TRPC3: variants seen among roughly 807,000 people sequenced by gnomAD.
TRPC3 encodes short transient receptor potential channel 3.
A neutral mutation model predicts 90.9 loss-of-function variants in TRPC3; 54 were observed. The ratio of observed to expected loss-of-function variants is 0.59; its 90% CI spans 0.48 to 0.75. The LOEUF (loss-of-function observed/expected upper bound fraction) is 0.75, where lower values mean the gene tolerates loss of function less well. Ranked by LOEUF, TRPC3 falls within the 30% of genes least tolerant of loss-of-function variation. TRPC3 has a pLI of 0.00. For synonymous variants in TRPC3, 424 were observed against 450.9 expected (o/e 0.94, Z 0.75); for missense variants, 918 against 1,194.5 (o/e 0.77, Z 3.41).
chr4:121,911,971 G>A lies in TRPC3; in HGVS notation c.1464C>T (p.Pro488=), dbSNP rs776868207. The A allele has an allele frequency of 5.6e-6, 9 of 1,613,904 alleles. 1 individual carries two copies. The South Asian group carries it at 9.9e-5, about 18-fold the overall frequency. Reference sequence around the variant, plus strand: ...TGGGATAGTCAGTAACTGTGATATTGGGCAGCGTGGTGATGCCTTCGAACC... The same window carrying A: ...TGGGATAGTCAGTAACTGTGATATTAGGCAGCGTGGTGATGCCTTCGAACC... ...SDRFEGITTL[P]NITVTDYPKQ... The change falls in exon 5 of 12, where the codon CCC becomes CCT. Residue 488 remains proline (P), a synonymous_variant. Transcript: ENST00000379645.
intron 4 of TRPC3, among the ~76,000 whole-genome samples, chr4:121,913,930 G>C (rs1729202746): frequency 6.6e-6 from 1 of 152,186 alleles, no homozygotes; most frequent in Non-Finnish European, 1.5e-5. Flanking sequence ...AGGATCACTT[G>C]TAAGTGCCCT....
At position 121,903,035 on chromosome 4, in the gene TRPC3, A is replaced by G; in HGVS notation, c.2280T>C (p.Phe760=). ...AGGATAACCAAAGTTTTGAACGAGC[A>G]AACTTCCATTCTACATCACTGTCAT... ...IEDDSDVEWK[F]ARSKLWLSYF... is the part of the protein sequence containing the mutation. The change falls in exon 9 of 12, where the codon TTT becomes TTC. Residue 760 remains phenylalanine, a synonymous_variant. Transcript: ENST00000379645. 1.2e-6 allele frequency: 2 copies of G among 1,613,198 alleles called. No homozygotes were observed. The highest frequency in any genetic ancestry group is 1.7e-6 in the Non-Finnish European group (2 of 1,179,650).
intron 2 of TRPC3, among the ~76,000 whole-genome samples, chr4:121,931,698 T>G (rs989663705): frequency 6.6e-6 from 1 of 152,204 alleles, no homozygotes; most frequent in Non-Finnish European, 1.5e-5. Context: ...GTGACTTTAA[T>G]AGTATTTTTT....
At chr4:121,879,918 T>C (rs1003057954) in intron 11 of TRPC3, 40 bp from the exon 12 acceptor site, 12 of 1,500,270 alleles carry the variant, frequency 8.0e-6, no homozygotes, top group Non-Finnish European at 1.1e-5. Context: ...TAAGTTGCTC[T>C]TTGGATTTAG....
At chr4:121,918,995 G>A (rs1329189016) in intron 3 of TRPC3, among the ~76,000 whole-genome samples, 2 of 152,192 alleles carry the variant, frequency 1.3e-5, no homozygotes, top group African/African-American at 2.4e-5. Flanking sequence ...ACATTTGTAT[G>A]CTGTTTCCTA....
rs774867179 is a variant in TRPC3, at chr4:121,912,079, C to A, written c.1356G>T (p.Leu452=). 3.7e-6 allele frequency: 6 copies of A among 1,613,218 alleles called. No homozygotes were observed. The East Asian group carries it at 8.9e-5, about 24-fold the overall frequency. ...IAPCSRLGKI[L]RSPFMKFVAH... The stretch of plus-strand genomic sequence containing the variant: ...CTACAAACTTCATAAAAGGGCTTCG[C>A]AGAATTTTCCCCAGCTGTAACAAAC... The change falls in exon 5 of 12, where the codon CTG becomes CTT. Residue 452 remains leucine (L), a synonymous_variant. Coordinates refer to ENST00000379645, the MANE Select transcript of TRPC3 (RefSeq NM_001130698.2).
chr4:121,897,659 G>T (rs1023211231), intron 10 of TRPC3, among the ~76,000 whole-genome samples: 1 of 147,030 alleles, frequency 6.8e-6, no homozygotes, highest in Non-Finnish European at 1.5e-5. Flanking sequence ...AAAAAAAAAT[G>T]CTGGTAAGAA....
intron 2 of TRPC3, 23 bp from the exon 3 acceptor site, chr4:121,925,229 T>G (rs773967014): frequency 6.3e-7 from 1 of 1,586,068 alleles, no homozygotes; most frequent in East Asian, 2.3e-5. Context: ...GGTTTAGTGT[T>G]TTAACACAAA....
chr4:121,932,396 T>G lies in TRPC3; in HGVS notation c.862A>C (p.Ile288Leu). Residue 288 changes from isoleucine to leucine, a missense_variant, in exon 2 of 12, where the codon ATC (isoleucine) becomes CTC (leucine). Transcript: ENST00000379645. This position sits in a 1 kb window ranked among gnomAD's most constrained non-coding sequence, Gnocchi z 7.7. ...HDSFSHSRSR[I>L]NAYKGLASPA... The stretch of plus-strand genomic sequence containing the variant: ...CTGGCCAGCCCCTTGTAGGCATTGA[T>G]CCTCGAGCGTGAGTGGCTGAAGGAG... The G allele has an allele frequency of 6.2e-7, 1 of 1,614,156 alleles. No individual in the cohort carries two copies. The highest frequency in any genetic ancestry group is 8.5e-7 in the Non-Finnish European group (1 of 1,180,026).
At chr4:121,919,167 T>C (rs922942809) in intron 3 of TRPC3, among the ~76,000 whole-genome samples, 1 of 152,208 alleles carries the variant, frequency 6.6e-6, no homozygotes, top group Non-Finnish European at 1.5e-5. Flanking sequence ...AAATAACTAA[T>C]AGATTATAAA....
In TRPC3 at chr4:121,932,582, C is replaced by A. The variant is rs761478541; in HGVS notation, c.676G>T (p.Asp226Tyr). Residue 226 changes from aspartate to tyrosine, a missense_variant, in exon 2 of 12, where the codon GAC (aspartate) becomes TAC (tyrosine). Physicochemically the swap from Asp to Tyr is radical, Grantham distance 160 (BLOSUM62 -3). This residue lies in a region of TRPC3 where 609 missense variants were observed against 725.9 expected (regional missense o/e 0.84). Coordinates refer to ENST00000379645, the MANE Select transcript of TRPC3 (RefSeq NM_001130698.2). This position sits in a 1 kb window ranked among gnomAD's most constrained non-coding sequence, Gnocchi z 7.7. The stretch of plus-strand genomic sequence containing the variant: ...ATGTCCGGCGAGAAGCGCGTGCCGT[C>A]CTCGTCGTAAGCGTAGAAGTCGTCG... ...QDDDFYAYDE[D>Y]GTRFSPDITP... 3 of 1,614,212 alleles carry A rather than the reference C, an allele frequency of 1.9e-6. No homozygotes were observed. Among genetic ancestry groups the A allele is most frequent in the South Asian group, 1.1e-5 (1 of 91,086 alleles).
chr4:121,916,354 A>G (rs112970383), intron 3 of TRPC3, among the ~76,000 whole-genome samples: 2,932 of 152,352 alleles, frequency 0.019, 45 homozygotes, highest in Middle Eastern at 0.071. Flanking sequence ...TGATGGCTGC[A>G]CTGGCAGCTG....
chr4:121,932,771 T>C lies in TRPC3; in HGVS notation c.487A>G (p.Thr163Ala). 2.5e-6 allele frequency: 4 copies of C among 1,613,504 alleles called. No homozygotes were observed. The highest frequency in any genetic ancestry group is 3.4e-6 in the Non-Finnish European group (4 of 1,179,628). The part of the protein sequence containing the change: ...LAVGNEHLEV[T>A]ELLLKKENLA... ...TTCTCCTTCTTGAGCAGCAGCTCGG[T>C]CACCTCCAGGTGCTCGTTGCCCACA... The change falls in exon 2 of 12, where the codon ACC becomes GCC. Residue 163 changes from threonine (T) to alanine (A), a missense_variant. Thr to Ala is a moderately conservative substitution (Grantham distance 58). Around this residue, in one of 4 missense-constraint regions of TRPC3, gnomAD observed 609 missense variants for 725.9 expected, o/e 0.84. Coordinates refer to ENST00000379645, the MANE Select transcript of TRPC3 (RefSeq NM_001130698.2). This position sits in a 1 kb window ranked among gnomAD's most constrained non-coding sequence, Gnocchi z 7.7.
rs115756990 is a variant in TRPC3, at chr4:121,876,975, T to C, written c.*2761A>G. ...GGCTTTGACAATCCTTTAATTAATG[T>C]TTTTTTCTATAAAGTTGTTTTTGGT... On this transcript the variant is annotated 3_prime_UTR_variant, in exon 12 of 12. Transcript: ENST00000379645. 6.6e-6 allele frequency among the ~76,000 whole-genome samples: 1 copy of C among 152,196 alleles called. No individual in the cohort carries two copies. Among genetic ancestry groups the C allele is most frequent in the Admixed American group, 6.5e-5 (1 of 15,284 alleles).
At chr4:121,922,628 T>A (rs1484863693) in intron 3 of TRPC3, among the ~76,000 whole-genome samples, 1 of 150,572 alleles carries the variant, frequency 6.6e-6, no homozygotes, top group Non-Finnish European at 1.5e-5. Context: ...CAAGTGTAGA[T>A]GAGGTGTCTC....
chr4:121,934,479 A>C (rs1730062350), intron 1 of TRPC3, among the ~76,000 whole-genome samples: 1 of 152,224 alleles, frequency 6.6e-6, no homozygotes, highest in South Asian at 2.1e-4. Flanking sequence ...GATGAATTGT[A>C]CCAAAAAGTA....
chr4:121,904,318 T>G lies in TRPC3; in HGVS notation c.2253+4A>C. The G allele has an allele frequency of 6.3e-7, 1 of 1,596,616 alleles. No homozygotes were observed. The stretch of plus-strand genomic sequence containing the variant: ...TAGATACTATGGATAGAAAACCGAT[T>G]TACCTCAATTTCTTGATATGAGCTA... On this transcript the variant is annotated splice_donor_region_variant and intron_variant, in intron 8 of 11. Coordinates refer to ENST00000379645, the MANE Select transcript of TRPC3 (RefSeq NM_001130698.2).
intron 2 of TRPC3, chr4:121,930,836 A>AG: frequency 2.5e-6 from 1 of 394,608 alleles, no homozygotes; most frequent in East Asian, 7.8e-5. Flanking sequence ...GATCTAAAAA[A>AG]AAAAAAAAAA....
chr4:121,911,351 A>G (rs923645134), intron 5 of TRPC3, among the ~76,000 whole-genome samples: 9 of 152,238 alleles, frequency 5.9e-5, no homozygotes, highest in Admixed American at 3.9e-4. Flanking sequence ...TAACACAGCT[A>G]TTCAAAATGG....
Sources: gnomAD v4.1 joint callset for allele counts (sites outside exome capture counted in the v4.1 genomes callset) on GRCh38, gnomAD v4.1.1 for gene constraint, gnomAD v4.1.1 regional missense constraint, Gnocchi (gnomAD v3.1) non-coding constraint, MANE v1.5 for transcripts, NCBI Gene and HGNC (gene_info 2026-07-23, HGNC 2026-07-21) for gene names.